The following PROX1 variants were observed in gnomAD, a reference collection of about 807,000 sequenced individuals.
PROX1 encodes the protein prospero homeobox 1.
PROX1 carries 7 observed loss-of-function variants against 58.8 expected under a neutral mutation model. The ratio of observed to expected loss-of-function variants is 0.12; its 90% CI spans 0.07 to 0.22. The LOEUF is 0.22. Ranked by LOEUF, PROX1 falls within the 10% of genes least tolerant of loss-of-function variation. PROX1 has a pLI of 1.00. For synonymous variants in PROX1, 350 were observed against 358.3 expected (o/e 0.98, Z 0.26); for missense variants, 675 against 927.8 (o/e 0.73, Z 3.54).
chr1:214,010,537 G>A (rs892618845), intron 3 of PROX1, among the ~76,000 whole-genome samples: 1 of 152,014 alleles, frequency 6.6e-6, no homozygotes, highest in Non-Finnish European at 1.5e-5. Flanking sequence ...GATGACAAAA[G>A]GCAGGGGGTT....
intron 4 of PROX1, among the ~76,000 whole-genome samples, chr1:214,025,121 G>A (rs1165934239): frequency 6.6e-6 from 1 of 152,198 alleles, no homozygotes; most frequent in East Asian, 1.9e-4. Flanking sequence ...TGGCAGGAAA[G>A]CTCCCAATTA....
chr1:214,027,417 A>C (rs1664497856), intron 4 of PROX1, among the ~76,000 whole-genome samples: 1 of 152,192 alleles, frequency 6.6e-6, no homozygotes, highest in African/African-American at 2.4e-5. Flanking sequence ...GCATCAACCG[A>C]AACTGCTCCC....
chr1:214,032,272 C>CTCTTCATCTCATCATT (rs1259592503), intron 4 of PROX1, among the ~76,000 whole-genome samples: 1 of 151,958 alleles, frequency 6.6e-6, no homozygotes, highest in African/African-American at 2.4e-5. Context: ...TCACAGTAAT[C>CTCTTCATCTCATCATT]TCTTCATCTC....
upstream of PROX1, chr1:213,984,090 T>C (rs1390101703): frequency 2.0e-5 from 3 of 152,276 alleles, no homozygotes; most frequent in African/African-American, 7.2e-5. Flanking sequence ...GCTCCCAGCC[T>C]ACACTTCACT....
intron 4 of PROX1, among the ~76,000 whole-genome samples, chr1:214,031,831 G>C (rs930695935): frequency 2.0e-5 from 3 of 152,096 alleles, no homozygotes; most frequent in African/African-American, 7.2e-5. Context: ...CTTTTTCCAT[G>C]GGTGATGTTT....
In PROX1 at chr1:214,036,107, A is replaced by G. The variant is rs1664820185; in HGVS notation, c.*273A>G. On this transcript the variant is annotated 3_prime_UTR_variant, in exon 5 of 5. Transcript: ENST00000366958. ...AAATAGGGTTAATTTTCAGGGAAAA[A>G]GAATGTTGGCGTGTGTAAAGTCTCT... is the stretch of plus-strand genomic sequence containing the variant. 2 of 255,528 alleles carry G rather than the reference A, an allele frequency of 7.8e-6. No individual in the cohort carries two copies. 15.8% of individuals were successfully genotyped at this position (255,528 alleles called of 1,614,324 possible). A position where few individuals can be genotyped will look rare whatever the true frequency, so the allele number is the denominator to read the frequency against.
chr1:213,991,730 C>T (rs902012790), intron 1 of PROX1, among the ~76,000 whole-genome samples: 3 of 152,150 alleles, frequency 2.0e-5, no homozygotes, highest in African/African-American at 7.2e-5. Context: ...CTGTAAGTTG[C>T]CAGACTTCCT....
rs954318272 is a variant in PROX1, at chr1:214,039,816, CACACACACACACACAA to C, written c.*3993_*4008del. 1.0e-4 allele frequency: 15 copies of C among 149,810 alleles called. 1 individual carries two copies. Among genetic ancestry groups the C allele is most frequent in the African/African-American group, 3.8e-4 (15 of 39,202 alleles). 9.3% of individuals were successfully genotyped at this position (149,810 alleles called of 1,614,324 possible). ...ATGTGCGCATACACACACACACACA[CACACACACACACACAA>C]ACACACACACTGTCATAAAGCTAAT... On this transcript the variant is annotated 3_prime_UTR_variant, in exon 5 of 5. Coordinates refer to ENST00000366958, the MANE Select transcript of PROX1 (RefSeq NM_001270616.2).
chr1:214,029,005 T>A (rs1664554340), intron 4 of PROX1: 1 of 152,224 alleles, frequency 6.6e-6, no homozygotes, highest in Non-Finnish European at 1.5e-5. Context: ...TACTAAAGCA[T>A]CTGAGTTTAT....
intron 4 of PROX1, among the ~76,000 whole-genome samples, chr1:214,034,089 A>G (rs1664751745): frequency 6.6e-6 from 1 of 152,214 alleles, no homozygotes; most frequent in African/African-American, 2.4e-5. Context: ...TTGGCCCCAA[A>G]AGGAGTCCCT....
At chr1:213,989,082 G>C (rs887227148) in intron 1 of PROX1, among the ~76,000 whole-genome samples, 3 of 152,054 alleles carry the variant, frequency 2.0e-5, no homozygotes, top group Admixed American at 2.0e-4. Flanking sequence ...CAATTTGCTT[G>C]TCATTTGCAT....
chr1:214,024,190 G>A (rs939774070), intron 4 of PROX1, among the ~76,000 whole-genome samples: 5 of 152,150 alleles, frequency 3.3e-5, no homozygotes, highest in Non-Finnish European at 5.9e-5. Context: ...CAATCTGCCT[G>A]TCTTTGCAAT....
At chr1:214,022,533 T>G (rs142432002) in intron 4 of PROX1, among the ~76,000 whole-genome samples, 6 of 152,298 alleles carry the variant, frequency 3.9e-5, no homozygotes, top group Admixed American at 1.3e-4. Context: ...CAAGAGCAAG[T>G]GTTCCTGCTC....
At chr1:213,996,030 G>A (rs952889298) in intron 1 of PROX1, among the ~76,000 whole-genome samples, 7 of 152,096 alleles carry the variant, frequency 4.6e-5, no homozygotes, top group Admixed American at 2.6e-4. Flanking sequence ...ATGCAGAAAT[G>A]CAATTTTTCA....
In PROX1 at chr1:214,015,454, G is replaced by A. The variant is rs144458921; in HGVS notation, c.2028+3739G>A. Reference sequence around the variant, plus strand: ...TTTTATGGGCAGAAAGAGCAAGTTTGGGATTCCTTCCCAGTTTTTAAATCA... The same window carrying A: ...TTTTATGGGCAGAAAGAGCAAGTTTAGGATTCCTTCCCAGTTTTTAAATCA... On this transcript the variant is annotated intron_variant, in intron 4 of 4. Coordinates refer to ENST00000366958, the MANE Select transcript of PROX1 (RefSeq NM_001270616.2). Among the ~76,000 whole-genome samples the A allele has an allele frequency of 9.2e-4, 140 of 152,210 alleles. 1 individual carries two copies. The highest frequency in any genetic ancestry group is 3.1e-3 in the African/African-American group (130 of 41,536).
chr1:214,031,093 A>G (rs1393653177), intron 4 of PROX1, among the ~76,000 whole-genome samples: 2 of 151,900 alleles, frequency 1.3e-5, no homozygotes, highest in African/African-American at 2.4e-5. Flanking sequence ...GCGCACGCAC[A>G]CACACGCGCA....
intron 4 of PROX1, among the ~76,000 whole-genome samples, chr1:214,026,570 G>A (rs77353961): frequency 0.028 from 4,259 of 152,212 alleles, 221 homozygotes; most frequent in African/African-American, 0.094. Flanking sequence ...ACAATTATTC[G>A]AAATGCTCAA....
intron 4 of PROX1, among the ~76,000 whole-genome samples, chr1:214,023,599 C>T (rs1410385699): frequency 6.6e-6 from 1 of 152,156 alleles, no homozygotes; most frequent in Non-Finnish European, 1.5e-5. Flanking sequence ...CAACACCACC[C>T]TTTTCTTTAA....
intron 2 of PROX1, among the ~76,000 whole-genome samples, chr1:213,999,474 C>T (rs988203925): frequency 2.0e-5 from 3 of 152,166 alleles, no homozygotes; most frequent in Admixed American, 1.3e-4. Context: ...TGCAAAGTCC[C>T]AGCTATTGGT....
Sources: allele counts gnomAD v4.1 joint callset (sites outside exome capture counted in the v4.1 genomes callset), GRCh38; gene constraint gnomAD v4.1.1; transcripts MANE v1.5; gene names NCBI Gene and HGNC (gene_info 2026-07-23, HGNC 2026-07-21).